The following ABR variants were observed in gnomAD, a reference collection of about 807,000 sequenced individuals.
ABR encodes active breakpoint cluster region-related protein.
ABR carries 35 observed loss-of-function variants against 107.2 expected under a neutral mutation model. The ratio of observed to expected loss-of-function variants is 0.33; its 90% confidence interval spans 0.25 to 0.43. The LOEUF (loss-of-function observed/expected upper bound fraction) is 0.43. Ranked by LOEUF, ABR falls within the 20% of genes least tolerant of loss-of-function variation. The pLI is 1.00. For missense variants in ABR, 815 were observed against 1,115.2 expected (o/e 0.73, Z 3.83); for synonymous variants, 498 against 462.0 (o/e 1.08, Z -1.00).
intron 1 of ABR, among the ~76,000 whole-genome samples, chr17:1,144,307 T>C (rs1430843510): frequency 1.3e-5 from 2 of 152,020 alleles, no homozygotes; most frequent in Admixed American, 6.6e-5. Context: ...TCCTAAGCTA[T>C]CACACACCAG....
At chr17:1,042,213 G>A (rs1299562456) in intron 16 of ABR, among the ~76,000 whole-genome samples, 4 of 152,014 alleles carry the variant, frequency 2.6e-5, no homozygotes, top group South Asian at 2.1e-4. Flanking sequence ...CTACATCCAC[G>A]GACGGACGGA....
At chr17:1,038,933 G>A (rs750606746) in intron 16 of ABR, among the ~76,000 whole-genome samples, 2 of 152,244 alleles carry the variant, frequency 1.3e-5, no homozygotes, top group African/African-American at 2.4e-5. Flanking sequence ...GGAGGTTAGC[G>A]GCTCACGGGG....
intron 1 of ABR, among the ~76,000 whole-genome samples, chr17:1,146,924 GC>G (rs1171286558): frequency 6.6e-6 from 1 of 152,034 alleles, no homozygotes; most frequent in East Asian, 1.9e-4. Flanking sequence ...TGACACCACT[GC>G]CCTGGCCACA....
At chr17:1,117,516 C>CT (rs2039071562) in intron 2 of ABR, among the ~76,000 whole-genome samples, 1 of 14,702 alleles carries the variant, frequency 6.8e-5, no homozygotes, top group Non-Finnish European at 1.6e-4. Context: ...ATCCCTGAGC[C>CT]GGAGTTCCTC....
At chr17:1,165,220 G>C (rs553969249) in intron 1 of ABR, among the ~76,000 whole-genome samples, 1 of 152,236 alleles carries the variant, frequency 6.6e-6, no homozygotes, top group Non-Finnish European at 1.5e-5. Flanking sequence ...GCCCTGGAGC[G>C]CCTTCCCACA....
chr17:1,179,996 C>CG (rs2042070482), upstream of ABR: 1 of 30,908 alleles, frequency 3.2e-5, no homozygotes, highest in Non-Finnish European at 6.1e-5. The surrounding 1 kb of genome is among the most constrained non-coding windows in gnomAD (Gnocchi z 4.9). Flanking sequence ...TCGCGGGGGG[C>CG]GGGGCGGGGG....
chr17:1,207,440 A>C (rs985172637), intron 1 of ABR, among the ~76,000 whole-genome samples: 1 of 151,940 alleles, frequency 6.6e-6, no homozygotes, highest in South Asian at 2.1e-4. Flanking sequence ...ACCTGAGCTC[A>C]GGAGTTCGAG....
chr17:1,050,108 T>G lies in ABR; in HGVS notation c.1733A>C (p.Lys578Thr). 6.2e-7 allele frequency: 1 copy of G among 1,614,146 alleles called. No homozygotes were observed. Among genetic ancestry groups the G allele is most frequent in the Non-Finnish European group, 8.5e-7 (1 of 1,180,028 alleles). The change falls in exon 16 of 23, where the codon AAG becomes ACG. Residue 578 changes from lysine (K) to threonine (T), a missense_variant. Physicochemically the swap from Lys to Thr is moderately conservative, Grantham distance 78 (BLOSUM62 -1). Around this residue, in one of 5 missense-constraint regions of ABR, gnomAD observed 92 missense variants for 82.3 expected, o/e 1.12. Transcript: ENST00000302538. This position sits in a 1 kb window ranked among gnomAD's most constrained non-coding sequence, Gnocchi z 4.6. Reference protein sequence around the residue: ...LCYEKCYDKTKVNKDNNEIVD... With the variant: ...LCYEKCYDKTTVNKDNNEIVD... ...GATCTCATTGTTGTCCTTGTTGACCTTGGTCTTGTCATAGCACTTCTCATA... is the reference window on the plus strand; with the variant it reads ...GATCTCATTGTTGTCCTTGTTGACCGTGGTCTTGTCATAGCACTTCTCATA...
At chr17:1,044,254 G>C (rs1340654775) in intron 16 of ABR, among the ~76,000 whole-genome samples, 1 of 152,194 alleles carries the variant, frequency 6.6e-6, no homozygotes, top group Non-Finnish European at 1.5e-5. Context: ...TGGGGCCCTT[G>C]TTCACCCACT....
At chr17:1,167,106 T>C (rs2041542350) in intron 1 of ABR, among the ~76,000 whole-genome samples, 1 of 152,060 alleles carries the variant, frequency 6.6e-6, no homozygotes, top group South Asian at 2.1e-4. Context: ...GGGGACCCCG[T>C]GATACCCCAG....
chr17:1,104,521 A>G (rs2038116617), intron 2 of ABR, among the ~76,000 whole-genome samples: 1 of 152,152 alleles, frequency 6.6e-6, no homozygotes, highest in South Asian at 2.1e-4. Context: ...AAGTCAGTTC[A>G]CGGGCCACAG....
intron 18 of ABR, 187 bp downstream of exon 18, chr17:1,012,501 T>C (rs530606382): frequency 4.3e-6 from 3 of 701,622 alleles, no homozygotes; most frequent in Admixed American, 2.0e-5. Context: ...CTGGCTCGCG[T>C]GCTTCTGAAG....
intron 17 of ABR, 56 bp from the exon 18 acceptor site, chr17:1,012,853 G>T: frequency 7.0e-7 from 1 of 1,434,446 alleles, no homozygotes; most frequent in Non-Finnish European, 9.6e-7. Flanking sequence ...CCCGAGGAAT[G>T]CCCCCAAAAC....
At chr17:1,175,984 G>T (rs529164154) in intron 1 of ABR, among the ~76,000 whole-genome samples, 1 of 152,062 alleles carries the variant, frequency 6.6e-6, no homozygotes, top group Non-Finnish European at 1.5e-5. Flanking sequence ...CCAGCTACTC[G>T]GGAGGCTGAG....
intron 1 of ABR, among the ~76,000 whole-genome samples, chr17:1,144,906 C>G (rs1191957929): frequency 6.6e-6 from 1 of 152,070 alleles, no homozygotes; most frequent in Admixed American, 6.6e-5. Context: ...GTAATTCCAG[C>G]TACTCGGGAG....
intron 5 of ABR, among the ~76,000 whole-genome samples, chr17:1,080,822 C>T (rs1431146623): frequency 6.6e-6 from 1 of 152,092 alleles, no homozygotes; most frequent in Admixed American, 6.5e-5. Flanking sequence ...TGCCTGGACT[C>T]CCAGATTTCG....
chr17:1,102,763 T>G (rs1384855072), intron 2 of ABR, among the ~76,000 whole-genome samples: 1 of 152,094 alleles, frequency 6.6e-6, no homozygotes, highest in African/African-American at 2.4e-5. Flanking sequence ...AGGGCTGGAG[T>G]GCAATGGCAT....
At chr17:1,006,456 C>T (rs966572726) in intron 22 of ABR, among the ~76,000 whole-genome samples, 5 of 152,194 alleles carry the variant, frequency 3.3e-5, no homozygotes, top group South Asian at 2.1e-4. Flanking sequence ...GGAAGCCTCC[C>T]GCCCTTGGAA....
intron 10 of ABR, among the ~76,000 whole-genome samples, chr17:1,059,177 C>T (rs2033660446): frequency 6.6e-6 from 1 of 152,170 alleles, no homozygotes; most frequent in Non-Finnish European, 1.5e-5. Context: ...AGCATCTCCT[C>T]TGCCCCACGT....
Sources: gnomAD v4.1 joint callset for allele counts (sites outside exome capture counted in the v4.1 genomes callset) on GRCh38, gnomAD v4.1.1 for gene constraint, gnomAD v4.1.1 regional missense constraint, Gnocchi (gnomAD v3.1) non-coding constraint, MANE v1.5 for transcripts, NCBI Gene and HGNC (gene_info 2026-07-23, HGNC 2026-07-21) for gene names.